Variants in ASIC4 observed in about 807,000 individuals in gnomAD.
ASIC4 encodes the protein acid-sensing ion channel 4.
ASIC4 carries 28 observed loss-of-function variants against 53.4 expected under a neutral mutation model. The observed-to-expected ratio is 0.52, with a 90% CI of 0.39 to 0.72. ASIC4 has a LOEUF of 0.72. Ranked by LOEUF, ASIC4 falls within the 30% of genes least tolerant of loss-of-function variation. The pLI is 0.00. For missense variants in ASIC4, 649 were observed against 729.7 expected (o/e 0.89, Z 1.27); for synonymous variants, 289 against 301.4 (o/e 0.96, Z 0.43).
chr2:219,527,749 G>C (rs1263869033), intron 1 of ASIC4, among the ~76,000 whole-genome samples: 1 of 152,234 alleles, frequency 6.6e-6, no homozygotes, highest in African/African-American at 2.4e-5. Flanking sequence ...GTTTCTTGGA[G>C]ACTCAAAGGA....
At chr2:219,524,776 T>G (rs1252187079) in intron 1 of ASIC4, among the ~76,000 whole-genome samples, 1 of 152,222 alleles carries the variant, frequency 6.6e-6, no homozygotes, top group Non-Finnish European at 1.5e-5. Context: ...GGTTTCGCTG[T>G]GACAGAGCTC....
At position 219,515,321 on chromosome 2, in the gene ASIC4, C is replaced by A; in HGVS notation, c.582+15C>A. The A allele has an allele frequency of 6.3e-7, 1 of 1,595,922 alleles. No individual in the cohort carries two copies. The highest frequency in any genetic ancestry group is 8.5e-7 in the Non-Finnish European group (1 of 1,170,358). On this transcript the variant is annotated intron_variant, in intron 1 of 9. Transcript: ENST00000358078. The stretch of plus-strand genomic sequence containing the variant: ...ACTTCTCTGTGGTGAGTTCTGCCAG[C>A]TGGGCTGCCTGGCCTTGGATGGCCG...
chr2:219,529,801 T>G (rs1281263426), intron 1 of ASIC4, among the ~76,000 whole-genome samples: 1 of 152,132 alleles, frequency 6.6e-6, no homozygotes, highest in African/African-American at 2.4e-5. Flanking sequence ...GTGCTTTGTT[T>G]GTGGTGCACA....
chr2:219,532,076 G>A lies in ASIC4; in HGVS notation c.803G>A (p.Gly268Glu). The A allele has an allele frequency of 6.2e-7, 1 of 1,614,246 alleles. No homozygotes were observed. Among genetic ancestry groups the A allele is most frequent in the Non-Finnish European group, 8.5e-7 (1 of 1,180,040 alleles). ...QEEPPYIHQL[G>E]FGVSPGFQTF... is the part of the protein sequence containing the mutation. ...GAGCCGCCCTACATCCACCAGCTGG[G>A]GTTCGGGGTGTCCCCAGGCTTCCAG... The change falls in exon 3 of 10, where the codon GGG (glycine) becomes GAG (glutamate). Residue 268 changes from glycine (G) to glutamate (E), a missense_variant. By Grantham distance (98) the Gly-to-Glu change is moderately conservative. Coordinates refer to ENST00000358078, the MANE Select transcript of ASIC4 (RefSeq NM_018674.6).
At chr2:219,511,074 G>A (rs1320410890), upstream of ASIC4, among the ~76,000 whole-genome samples, 3 of 152,174 alleles carry the variant, frequency 2.0e-5, no homozygotes, top group African/African-American at 7.2e-5. The surrounding 1 kb of genome is among the most constrained non-coding windows in gnomAD (Gnocchi z 5.3). Flanking sequence ...CCGCACCAGG[G>A]CCAGGTGTCT....
In ASIC4 at chr2:219,514,824, G is replaced by T. The variant is rs931809827; in HGVS notation, c.100G>T (p.Ala34Ser). Residue 34 changes from alanine (A) to serine (S), a missense_variant, in exon 1 of 10, where the codon GCC (alanine) becomes TCC (serine). By Grantham distance (99) the Ala-to-Ser change is moderately conservative. Coordinates refer to ENST00000358078, the MANE Select transcript of ASIC4 (RefSeq NM_018674.6). ...GDEQSLLGAV[A>S]PGAAPRDLAT... ...TGAGCAGAGCCTCCTCGGGGCTGTT[G>T]CCCCTGGAGCAGCCCCCCGAGACCT... The T allele has an allele frequency of 6.2e-7, 1 of 1,613,254 alleles. No individual in the cohort carries two copies. Among genetic ancestry groups the T allele is most frequent in the Non-Finnish European group, 8.5e-7 (1 of 1,179,928 alleles).
upstream of ASIC4, among the ~76,000 whole-genome samples, chr2:219,512,871 C>T (rs1390813342): frequency 2.0e-5 from 3 of 152,232 alleles, no homozygotes; most frequent in South Asian, 2.1e-4. Flanking sequence ...CAGGGCACCA[C>T]GCATGGTCAG....
Position 219,532,301 on chromosome 2 carries a change from C to T in ASIC4, c.856-14C>T. On this transcript the variant is annotated splice_polypyrimidine_tract_variant and intron_variant, in intron 3 of 9. Transcript: ENST00000358078. ...GATTCCTGAGCATGACCTCATCATGCCCCACCTCTGCAGCTGACCTACCTG... is the reference window on the plus strand; with the variant it reads ...GATTCCTGAGCATGACCTCATCATGTCCCACCTCTGCAGCTGACCTACCTG... 1 of 1,606,294 alleles carries T rather than the reference C, an allele frequency of 6.2e-7. No individual in the cohort carries two copies. The highest frequency in any genetic ancestry group is 8.5e-7 in the Non-Finnish European group (1 of 1,173,776).
chr2:219,509,676 G>T (rs938544240), upstream of ASIC4, among the ~76,000 whole-genome samples: 1 of 152,078 alleles, frequency 6.6e-6, no homozygotes, highest in African/African-American at 2.4e-5. The surrounding 1 kb of genome is among the most constrained non-coding windows in gnomAD (Gnocchi z 5.2). Context: ...GCAGGGGGTG[G>T]TGAGGGGTGT....
chr2:219,507,153 C>G, the ASIC4 span, among the ~76,000 whole-genome samples: 1 of 152,176 alleles, frequency 6.6e-6, no homozygotes, highest in Admixed American at 6.5e-5. Context: ...GCCTCAGCCT[C>G]GTGCTGCTCG....
chr2:219,538,229 A>C lies in ASIC4; in HGVS notation c.*183A>C, dbSNP rs1574497607. ...TTGCACAAAGGTCCTTCTTGTCCAC[A>C]CCCCTTATCCCCAGGCTGGTGCCCC... On this transcript the variant is annotated 3_prime_UTR_variant, in exon 10 of 10. Transcript: ENST00000358078. 3.3e-6 allele frequency: 2 copies of C among 604,350 alleles called. No individual in the cohort carries two copies. Among genetic ancestry groups the C allele is most frequent in the Non-Finnish European group, 5.9e-6 (2 of 340,920 alleles). 37.4% of individuals were successfully genotyped at this position (604,350 alleles called of 1,614,324 possible).
intron 1 of ASIC4, among the ~76,000 whole-genome samples, chr2:219,520,017 C>T (rs182915792): frequency 0.012 from 1,751 of 152,076 alleles, 13 homozygotes; most frequent in South Asian, 0.02. Flanking sequence ...CTGGGGGAGG[C>T]GAAGAAACCC....
the ASIC4 span, among the ~76,000 whole-genome samples, chr2:219,507,790 A>G: frequency 6.6e-6 from 1 of 151,926 alleles, no homozygotes; most frequent in Admixed American, 6.6e-5. Context: ...GGTGCAGGGC[A>G]TGGGTGGGAG....
the ASIC4 span, among the ~76,000 whole-genome samples, chr2:219,507,952 G>A: frequency 6.6e-6 from 1 of 152,092 alleles, no homozygotes. Context: ...CTGGACTGAG[G>A]TTGACTTGGG....
Position 219,537,655 on chromosome 2 carries a change from G to A in ASIC4, c.1425G>A (p.Arg475=), listed in dbSNP as rs148622543. ...AGGTGTCCTGGGATCGACTGAAGCGGGTATGGAGGCGTCCCAAGACCCCCC... is the reference window on the plus strand; with the variant it reads ...AGGTGTCCTGGGATCGACTGAAGCGAGTATGGAGGCGTCCCAAGACCCCCC... ...IYEVSWDRLK[R]VWRRPKTPLR... is the part of the protein sequence containing the mutation. Residue 475 remains arginine (R), a synonymous_variant, in exon 9 of 10, where the codon CGG becomes CGA. Transcript: ENST00000358078. This position sits in a 1 kb window ranked among gnomAD's most constrained non-coding sequence, Gnocchi z 4.9. The A allele has an allele frequency of 6.2e-7, 1 of 1,613,828 alleles. No homozygotes were observed. The highest frequency in any genetic ancestry group is 8.5e-7 in the Non-Finnish European group (1 of 1,179,854).
intron 4 of ASIC4, 86 bp downstream of exon 4, chr2:219,532,563 G>T: frequency 2.0e-6 from 3 of 1,497,346 alleles, no homozygotes; most frequent in Non-Finnish European, 2.7e-6. Flanking sequence ...CATGTGCACA[G>T]GCAGGTGCAT....
chr2:219,507,368 C>T, the ASIC4 span, among the ~76,000 whole-genome samples: 7 of 152,246 alleles, frequency 4.6e-5, no homozygotes, highest in African/African-American at 1.4e-4. Flanking sequence ...CCGCTCTGCT[C>T]GGTTCCCGCT....
intron 1 of ASIC4, among the ~76,000 whole-genome samples, chr2:219,526,331 G>C (rs150954586): frequency 2.8e-4 from 43 of 152,220 alleles, no homozygotes; most frequent in Non-Finnish European, 4.1e-4. Context: ...GGGGTTCCTG[G>C]CATGTTGGGT....
rs751452829 is a variant in ASIC4, at chr2:219,535,198, C to T, written c.1103C>T (p.Pro368Leu). ...LDSLGGGPEG[P>L]CFCPTPCNLT... ...TCCCTGGGTGGGGGCCCTGAGGGCC[C>T]GTGCTTCTGCCCCACCCCCTGCAAC... Residue 368 changes from proline to leucine, a missense_variant, in exon 6 of 10, where the codon CCG becomes CTG. Physicochemically the swap from Pro to Leu is moderately conservative, Grantham distance 98. Transcript: ENST00000358078. 4.3e-6 allele frequency: 7 copies of T among 1,613,676 alleles called. No homozygotes were observed. The highest frequency in any genetic ancestry group is 1.7e-4 in the Middle Eastern group (1 of 6,032).
Sources: allele counts gnomAD v4.1 joint callset (sites outside exome capture counted in the v4.1 genomes callset), GRCh38; gene constraint gnomAD v4.1.1; non-coding constraint Gnocchi (gnomAD v3.1); transcripts MANE v1.5; gene names NCBI Gene and HGNC (gene_info 2026-07-23, HGNC 2026-07-21).